The following TBC1D2B variants were observed in gnomAD, a reference collection of about 807,000 sequenced individuals.
The protein encoded by TBC1D2B is TBC1 domain family, member 2B.
TBC1D2B carries 64 observed loss-of-function variants against 100.8 expected under a neutral mutation model. The observed-to-expected ratio is 0.64, with a 90% CI of 0.52 to 0.78. TBC1D2B has a LOEUF of 0.78. Among genes scored for constraint, TBC1D2B ranks in the 30% least tolerant of loss-of-function variants. The pLI, the probability that TBC1D2B is intolerant of heterozygous loss-of-function variation, is 0.00. For synonymous variants in TBC1D2B, 480 were observed against 479.7 expected (o/e 1.00, Z -0.01); for missense variants, 1,052 against 1,218.4 (o/e 0.86, Z 2.03).
rs1233797479 is a variant in TBC1D2B, at chr15:78,013,381, C to T, written c.1776-64G>A. On this transcript the variant is annotated intron_variant, in intron 8 of 12. Transcript: ENST00000300584. Reference sequence around the variant, plus strand: ...GTTTTAGCAACAAAGACCAATGCAACAGAAATAGAGAGTCTAGAAACCAAA... The same window carrying T: ...GTTTTAGCAACAAAGACCAATGCAATAGAAATAGAGAGTCTAGAAACCAAA... 2.1e-6 allele frequency: 3 copies of T among 1,440,098 alleles called. No homozygotes were observed. The African/African-American group carries it at 4.3e-5, about 21-fold the overall frequency. 89.2% of individuals were successfully genotyped at this position (1,440,098 alleles called of 1,614,324 possible).
chr15:78,037,745 A>C (rs1391433576), intron 3 of TBC1D2B, among the ~76,000 whole-genome samples: 1 of 152,192 alleles, frequency 6.6e-6, no homozygotes, highest in East Asian at 1.9e-4. Flanking sequence ...TGAGGAAATC[A>C]ATTTTGAGGG....
chr15:78,048,681 C>T lies in TBC1D2B; in HGVS notation c.515-3613G>A, dbSNP rs377214351. Among the ~76,000 whole-genome samples, 24 of 152,350 alleles carry T rather than the reference C, an allele frequency of 1.6e-4. No homozygotes were observed. In the South Asian group the frequency reaches 3.9e-3, roughly 25 times the overall value. On this transcript the variant is annotated intron_variant, in intron 2 of 12. Transcript: ENST00000300584. Reference sequence around the variant, plus strand: ...CCAGTGTGAACCCGGGCAGTCTCAGCCTCCCTGGTCTCCAAGAGCCCTTCC... The same window carrying T: ...CCAGTGTGAACCCGGGCAGTCTCAGTCTCCCTGGTCTCCAAGAGCCCTTCC...
intron 3 of TBC1D2B, among the ~76,000 whole-genome samples, chr15:78,034,284 T>C (rs2072890256): frequency 6.6e-6 from 1 of 152,172 alleles, no homozygotes; most frequent in African/African-American, 2.4e-5. Context: ...CTCTCACAAA[T>C]GCTGGCTATA....
intron 3 of TBC1D2B, among the ~76,000 whole-genome samples, chr15:78,044,350 C>A (rs116335839): frequency 0.03 from 4,593 of 152,152 alleles, 252 homozygotes; most frequent in African/African-American, 0.11. Flanking sequence ...CCCAACTACT[C>A]AAGAGGCTGA....
At chr15:78,013,357 T>C in intron 8 of TBC1D2B, 40 bp from the exon 9 acceptor site, 1 of 1,512,098 alleles carries the variant, frequency 6.6e-7, no homozygotes, top group Non-Finnish European at 8.9e-7. Context: ...AATGACAAAG[T>C]TTTAGCAACA....
intron 2 of TBC1D2B, among the ~76,000 whole-genome samples, chr15:78,046,136 T>C (rs1174461652): frequency 2.6e-5 from 4 of 152,186 alleles, no homozygotes; most frequent in African/African-American, 9.7e-5. Context: ...TTCACCATGT[T>C]GGCCAGGCTG....
At chr15:78,000,923 T>G (rs2071896014) in intron 12 of TBC1D2B, among the ~76,000 whole-genome samples, 1 of 152,176 alleles carries the variant, frequency 6.6e-6, no homozygotes, top group African/African-American at 2.4e-5. Context: ...TAGAGCCCTC[T>G]AACAGCCACC....
intron 7 of TBC1D2B, chr15:78,016,965 GACCTCTGGATGCCAACAAATGCATC>G (rs1255904812): frequency 1.1e-5 from 5 of 467,176 alleles, no homozygotes; most frequent in Non-Finnish European, 1.9e-5. Flanking sequence ...CTGATAATCA[GACCTCTGGATGCCAACAAATGCATC>G]ACCTCTGGAC....
intron 12 of TBC1D2B, among the ~76,000 whole-genome samples, chr15:78,000,205 C>G (rs1201838789): frequency 2.0e-5 from 3 of 152,234 alleles, no homozygotes; most frequent in African/African-American, 7.2e-5. Flanking sequence ...GGAGACCGTA[C>G]CGCGAGCCAC....
intron 2 of TBC1D2B, among the ~76,000 whole-genome samples, chr15:78,048,134 T>G (rs1317051773): frequency 2.6e-5 from 4 of 152,040 alleles, no homozygotes; most frequent in Non-Finnish European, 5.9e-5. Context: ...TGGAAATACT[T>G]CCTGAGGAAC....
At chr15:78,072,639 G>T (rs1243923090) in intron 1 of TBC1D2B, among the ~76,000 whole-genome samples, 3 of 152,354 alleles carry the variant, frequency 2.0e-5, no homozygotes, top group Non-Finnish European at 2.9e-5. Context: ...CAGTACACAT[G>T]TCTATTTAGC....
Position 78,024,365 on chromosome 15 carries a change from T to C in TBC1D2B, c.1261A>G (p.Ser421Gly). ...AGCGTCCTTACTTCCTGCTGAAGAC[T>C]CTCCTTCTCCAAGCTGAACCTCTCC... ...QLERFSLEKE[S>G]LQQEVRTLKS... is the part of the protein sequence containing the mutation. The change falls in exon 6 of 13, where the codon AGT (serine) becomes GGT (glycine). Residue 421 changes from serine to glycine, a missense_variant. Physicochemically the swap from Ser to Gly is moderately conservative, Grantham distance 56. Transcript: ENST00000300584. The C allele has an allele frequency of 6.2e-7, 1 of 1,614,010 alleles. No homozygotes were observed. Among genetic ancestry groups the C allele is most frequent in the Non-Finnish European group, 8.5e-7 (1 of 1,179,884 alleles).
intron 2 of TBC1D2B, among the ~76,000 whole-genome samples, chr15:78,049,972 G>A (rs2073277104): frequency 6.6e-6 from 1 of 152,130 alleles, no homozygotes; most frequent in Admixed American, 6.5e-5. Context: ...TACTTCACAA[G>A]AACGCATGGT....
At chr15:78,024,763 G>A (rs572072980) in intron 5 of TBC1D2B, among the ~76,000 whole-genome samples, 1 of 152,268 alleles carries the variant, frequency 6.6e-6, no homozygotes, top group South Asian at 2.1e-4. Flanking sequence ...TAGGAAACAG[G>A]AAATAATGGA....
intron 10 of TBC1D2B, among the ~76,000 whole-genome samples, chr15:78,008,265 C>T (rs1042228312): frequency 3.9e-5 from 6 of 152,232 alleles, no homozygotes; most frequent in African/African-American, 1.2e-4. Flanking sequence ...TGGCCCCTGG[C>T]GTCAGACTCC....
chr15:78,016,450 A>G, intron 8 of TBC1D2B, 96 bp downstream of exon 8: 1 of 1,159,346 alleles, frequency 8.6e-7, no homozygotes, highest in Admixed American at 2.2e-5. Context: ...AATGAGACAC[A>G]CAGTTGTGTA....
intron 1 of TBC1D2B, chr15:78,065,906 C>T (rs1450562231): frequency 4.9e-6 from 2 of 411,592 alleles, no homozygotes; most frequent in African/African-American, 2.0e-5. Context: ...TTGGGAACCA[C>T]GGTGATTTCT....
At chr15:78,068,005 T>C (rs1418999603) in intron 1 of TBC1D2B, among the ~76,000 whole-genome samples, 1 of 152,264 alleles carries the variant, frequency 6.6e-6, no homozygotes, top group Non-Finnish European at 1.5e-5. Flanking sequence ...CACAGATTTC[T>C]GGCCCTGGGC....
intron 1 of TBC1D2B, among the ~76,000 whole-genome samples, chr15:78,058,979 T>A (rs1187854122): frequency 6.6e-6 from 1 of 152,182 alleles, no homozygotes; most frequent in African/African-American, 2.4e-5. Flanking sequence ...CAAGGTCCAA[T>A]GCAAAGGCCA....
Sources: allele counts gnomAD v4.1 joint callset (sites outside exome capture counted in the v4.1 genomes callset), GRCh38; gene constraint gnomAD v4.1.1; transcripts MANE v1.5; gene names NCBI Gene and HGNC (gene_info 2026-07-23, HGNC 2026-07-21).